DPP10: variants seen among roughly 807,000 people sequenced by gnomAD.
The protein encoded by DPP10 is inactive dipeptidyl peptidase 10.
DPP10 carries 33 observed loss-of-function variants against 120.9 expected under a neutral mutation model. That is an observed-to-expected ratio of 0.27 (90% confidence interval 0.21 to 0.37). The LOEUF is 0.37. Among genes scored for constraint, DPP10 ranks in the 10% least tolerant of loss-of-function variants. The pLI is 1.00. For missense variants in DPP10, 816 were observed against 942.8 expected, an observed-to-expected ratio of 0.87 and a Z score of 1.76; for synonymous variants, 337 against 326.1, an observed-to-expected ratio of 1.03 and a Z score of -0.36.
chr2:115,588,482 A>G (rs1199607507), intron 5 of DPP10, among the ~76,000 whole-genome samples: 1 of 152,194 alleles, frequency 6.6e-6, no homozygotes, highest in Non-Finnish European at 1.5e-5. Flanking sequence ...CATGAAGAGG[A>G]TACCTGTGGA....
At chr2:114,858,243 C>T (rs1326263609) in intron 1 of DPP10, among the ~76,000 whole-genome samples, 2 of 152,320 alleles carry the variant, frequency 1.3e-5, no homozygotes, top group East Asian at 3.9e-4. Flanking sequence ...GCCACCTCGG[C>T]CTCCCAAAGT....
chr2:115,253,978 G>A (rs966456886), intron 1 of DPP10, among the ~76,000 whole-genome samples: 11 of 152,224 alleles, frequency 7.2e-5, no homozygotes, highest in Non-Finnish European at 1.5e-4. Flanking sequence ...GCTTCTGCCT[G>A]GGCGGCCAGG....
At chr2:114,444,578 G>GAA (rs5833544) in intron 1 of DPP10, among the ~76,000 whole-genome samples, 14 of 151,530 alleles carry the variant, frequency 9.2e-5, no homozygotes, top group South Asian at 2.1e-4. Context: ...CTGTGGAACA[G>GAA]AAAAAAAAAT....
At chr2:114,697,247 G>A (rs1012068307) in intron 1 of DPP10, among the ~76,000 whole-genome samples, 2 of 152,038 alleles carry the variant, frequency 1.3e-5, no homozygotes, top group African/African-American at 4.8e-5. Flanking sequence ...TTACAGTCTT[G>A]TAGTAACTCT....
intron 1 of DPP10, among the ~76,000 whole-genome samples, chr2:115,195,192 A>G (rs542966801): frequency 2.6e-5 from 4 of 152,176 alleles, no homozygotes; most frequent in Non-Finnish European, 5.9e-5. Flanking sequence ...TTTGGATTCA[A>G]TGTGGGTGGC....
Position 115,791,173 on chromosome 2 carries a change from G to T in DPP10, c.1624G>T (p.Asp542Tyr), listed in dbSNP as rs202170246. ...AGAAATTAAAATCCTTCATATTGAC[G>T]ACTATGGTAAAATTTTGTGCATGCT... is the stretch of plus-strand genomic sequence containing the variant. ...KPEIKILHID[D>Y]YELPLQLSLP... The change falls in exon 18 of 26, where the codon GAC becomes TAC. Residue 542 changes from aspartate (D) to tyrosine (Y), a missense_variant. Asp to Tyr is a radical substitution (Grantham distance 160). Around this residue, in one of 3 missense-constraint regions of DPP10, gnomAD observed 592 missense variants for 649.0 expected, o/e 0.91. Coordinates refer to ENST00000410059, the MANE Select transcript of DPP10 (RefSeq NM_020868.6). The T allele has an allele frequency of 6.2e-7, 1 of 1,612,986 alleles. No homozygotes were observed.
At chr2:114,886,909 T>G (rs910242455) in intron 1 of DPP10, among the ~76,000 whole-genome samples, 1 of 152,206 alleles carries the variant, frequency 6.6e-6, no homozygotes, top group Admixed American at 6.5e-5. Context: ...TCCTGCCACC[T>G]GCCTTCCCAC....
chr2:114,493,305 G>C (rs1447206444), intron 1 of DPP10, among the ~76,000 whole-genome samples: 2 of 152,116 alleles, frequency 1.3e-5, no homozygotes, highest in Admixed American at 6.6e-5. Flanking sequence ...GAGAGAGAAA[G>C]GGCCAGAGAG....
At chr2:115,784,865 T>G (rs1683158323) in intron 17 of DPP10, among the ~76,000 whole-genome samples, 1 of 152,180 alleles carries the variant, frequency 6.6e-6, no homozygotes, top group South Asian at 2.1e-4. Flanking sequence ...TTTTTCATTT[T>G]TGTAGTTTAC....
At chr2:114,481,735 G>GAT (rs1045107646) in intron 1 of DPP10, among the ~76,000 whole-genome samples, 3 of 152,040 alleles carry the variant, frequency 2.0e-5, no homozygotes, top group Non-Finnish European at 2.9e-5. Context: ...CTGCTATAAA[G>GAT]ATACTACCTG....
chr2:114,821,466 G>A (rs868804074), intron 1 of DPP10, among the ~76,000 whole-genome samples: 18 of 152,180 alleles, frequency 1.2e-4, no homozygotes, highest in African/African-American at 2.6e-4. Flanking sequence ...TAAAAGAAAC[G>A]AAAACTTTTT....
intron 1 of DPP10, among the ~76,000 whole-genome samples, chr2:114,788,799 G>A (rs1682993693): frequency 6.6e-6 from 1 of 152,056 alleles, no homozygotes; most frequent in Non-Finnish European, 1.5e-5. Context: ...ACCAATTAAA[G>A]CACTTGAGCA....
At chr2:114,685,790 C>G (rs1262719090) in intron 1 of DPP10, among the ~76,000 whole-genome samples, 1 of 151,920 alleles carries the variant, frequency 6.6e-6, no homozygotes, top group Non-Finnish European at 1.5e-5. Context: ...CACTTGCCAC[C>G]TTATTAAGAC....
chr2:115,761,825 A>G (rs1335014511), intron 11 of DPP10, among the ~76,000 whole-genome samples: 1 of 152,154 alleles, frequency 6.6e-6, no homozygotes, highest in African/African-American at 2.4e-5. Flanking sequence ...GTACCTCTGC[A>G]TATAGGAAAG....
chr2:114,695,171 C>A (rs1699997173), intron 1 of DPP10, among the ~76,000 whole-genome samples: 1 of 151,852 alleles, frequency 6.6e-6, no homozygotes, highest in African/African-American at 2.4e-5. Context: ...ACAAAGAGGG[C>A]AGTTAGGCGC....
At chr2:114,581,734 C>T (rs1558902875) in intron 1 of DPP10, among the ~76,000 whole-genome samples, 1 of 152,124 alleles carries the variant, frequency 6.6e-6, no homozygotes, top group Non-Finnish European at 1.5e-5. Context: ...TGTGTAAACT[C>T]ATACTCATGA....
chr2:114,872,508 G>A (rs185477393), intron 1 of DPP10, among the ~76,000 whole-genome samples: 1 of 152,266 alleles, frequency 6.6e-6, no homozygotes, highest in African/African-American at 2.4e-5. Flanking sequence ...TTTAGTAGGT[G>A]GCAGGTAACA....
chr2:114,477,667 C>T (rs960829694), intron 1 of DPP10, among the ~76,000 whole-genome samples: 1 of 143,722 alleles, frequency 7.0e-6, no homozygotes, highest in African/African-American at 2.5e-5. Context: ...CACCTGTAAT[C>T]CCAGATACTC....
chr2:115,659,226 A>G (rs2088681154), intron 5 of DPP10, among the ~76,000 whole-genome samples: 2 of 152,164 alleles, frequency 1.3e-5, no homozygotes, highest in African/African-American at 2.4e-5. Flanking sequence ...CCCAACCTCC[A>G]TAACCATAAG....
Sources: gnomAD v4.1 joint callset for allele counts (sites outside exome capture counted in the v4.1 genomes callset) on GRCh38, gnomAD v4.1.1 for gene constraint, gnomAD v4.1.1 regional missense constraint, MANE v1.5 for transcripts, NCBI Gene and HGNC (gene_info 2026-07-23, HGNC 2026-07-21) for gene names.